Variants in FILIP1L observed in about 807,000 individuals in gnomAD.
FILIP1L encodes filamin A-interacting protein 1-like.
In FILIP1L, 55 loss-of-function variants were observed where a neutral mutation model predicts 96.6. The observed-to-expected ratio is 0.57, with a 90% CI of 0.46 to 0.71. The LOEUF (loss-of-function observed/expected upper bound fraction) is 0.71. Among genes scored for constraint, FILIP1L ranks in the 30% least tolerant of loss-of-function variants. FILIP1L has a pLI of 0.00. For missense variants in FILIP1L, 1,304 were observed against 1,321.2 expected, an observed-to-expected ratio of 0.99 and a Z score of 0.20; for synonymous variants, 467 against 473.9, an observed-to-expected ratio of 0.99 and a Z score of 0.19.
rs141276365 is a variant in FILIP1L, at chr3:99,894,884, C to A, written c.605+29346G>T. Among the ~76,000 whole-genome samples, 688 of 152,276 alleles carry A rather than the reference C, an allele frequency of 4.5e-3. 7 individuals are homozygous for A. Among genetic ancestry groups the A allele is most frequent in the African/African-American group, 0.016 (674 of 41,556 alleles). ...TTCTTGCAAACGTATAGAGTTCAAG[C>A]TATATTTAGGTCAGCTAGCTTTTTG... On this transcript the variant is annotated intron_variant, in intron 4 of 5. Transcript: ENST00000477258.
chr3:99,937,728 G>C (rs1707723798), intron 1 of FILIP1L, among the ~76,000 whole-genome samples: 1 of 152,178 alleles, frequency 6.6e-6, no homozygotes, highest in Admixed American at 6.5e-5. Flanking sequence ...GAGCTGGTTG[G>C]CTCTGAATAG....
In FILIP1L at chr3:99,853,212, CA is replaced by C. The variant is rs1337438493; in HGVS notation, c.606-2143del. Among the ~76,000 whole-genome samples the C allele has an allele frequency of 3.9e-5, 6 of 152,308 alleles. No homozygotes were observed. In the South Asian group the frequency reaches 8.3e-4, roughly 21 times the overall value. On this transcript the variant is annotated intron_variant, in intron 4 of 5. Coordinates refer to ENST00000477258, the MANE Select transcript of FILIP1L (RefSeq NM_001387850.1). The stretch of plus-strand genomic sequence containing the variant: ...GTGAAATAGTTAAAAAAAACTTTGG[CA>C]AAGTGCTTCTTTCTCCTGCCTTAGC...
intron 1 of FILIP1L, among the ~76,000 whole-genome samples, chr3:100,042,306 T>C (rs2065218217): frequency 6.6e-6 from 1 of 152,198 alleles, no homozygotes; most frequent in Non-Finnish European, 1.5e-5. Flanking sequence ...CTTGATTTTT[T>C]TTTGTATTCT....
intron 1 of FILIP1L, among the ~76,000 whole-genome samples, chr3:100,089,436 T>C (rs1006486280): frequency 6.6e-6 from 1 of 152,234 alleles, no homozygotes; most frequent in African/African-American, 2.4e-5. Flanking sequence ...TTACTAACTT[T>C]ATGCAAGTAA....
At chr3:99,896,270 A>G (rs1559679779) in intron 4 of FILIP1L, among the ~76,000 whole-genome samples, 1 of 152,220 alleles carries the variant, frequency 6.6e-6, no homozygotes, top group Non-Finnish European at 1.5e-5. Context: ...AATGGAAACT[A>G]TAGGAGGAAA....
intron 1 of FILIP1L, among the ~76,000 whole-genome samples, chr3:99,987,537 A>G (rs1231345834): frequency 6.6e-6 from 1 of 151,702 alleles, no homozygotes; most frequent in Non-Finnish European, 1.5e-5. Flanking sequence ...TCAAAAAAAA[A>G]AAAAAAAAAG....
intron 4 of FILIP1L, among the ~76,000 whole-genome samples, chr3:99,862,371 A>G (rs2107558731): frequency 6.6e-6 from 1 of 152,324 alleles, no homozygotes; most frequent in South Asian, 2.1e-4. Flanking sequence ...CATTGGAATG[A>G]AAGATATGAC....
chr3:99,909,444 G>C (rs1706722500), intron 4 of FILIP1L, among the ~76,000 whole-genome samples: 2 of 152,132 alleles, frequency 1.3e-5, no homozygotes, highest in African/African-American at 2.4e-5. Context: ...GGTATCAAAA[G>C]GAGTTAGAGC....
intron 4 of FILIP1L, among the ~76,000 whole-genome samples, chr3:99,921,956 C>T (rs1263483010): frequency 6.6e-6 from 1 of 152,264 alleles, no homozygotes; most frequent in East Asian, 1.9e-4. Context: ...TCCCAACATT[C>T]CAGTATAACT....
intron 4 of FILIP1L, among the ~76,000 whole-genome samples, chr3:99,891,230 A>G (rs1706072939): frequency 6.6e-6 from 1 of 151,674 alleles, no homozygotes; most frequent in African/African-American, 2.4e-5. Context: ...TTTCTAAATT[A>G]CCCTTTCGTC....
intron 1 of FILIP1L, among the ~76,000 whole-genome samples, chr3:100,036,410 A>G (rs1226757293): frequency 6.6e-6 from 1 of 152,240 alleles, no homozygotes; most frequent in Non-Finnish European, 1.5e-5. Flanking sequence ...AGTTGGCTTG[A>G]AAGGACTGCC....
chr3:99,978,814 G>A (rs1260567856), intron 1 of FILIP1L, among the ~76,000 whole-genome samples: 1 of 152,106 alleles, frequency 6.6e-6, no homozygotes, highest in Non-Finnish European at 1.5e-5. Flanking sequence ...GAACCCAGGA[G>A]GCGGAGGCTG....
chr3:99,920,750 G>A (rs964050830), intron 4 of FILIP1L, among the ~76,000 whole-genome samples: 74 of 152,270 alleles, frequency 4.9e-4, no homozygotes, highest in Admixed American at 3.2e-3. Flanking sequence ...CTCAATGTGT[G>A]ACATCAGTCT....
At chr3:99,962,026 G>A (rs905060160) in intron 1 of FILIP1L, among the ~76,000 whole-genome samples, 3 of 152,140 alleles carry the variant, frequency 2.0e-5, no homozygotes, top group African/African-American at 7.2e-5. Context: ...GGTTAGGGAT[G>A]TCGGGGAAAT....
chr3:99,964,584 T>TCA (rs995909165), intron 1 of FILIP1L, among the ~76,000 whole-genome samples: 69 of 152,112 alleles, frequency 4.5e-4, no homozygotes, highest in African/African-American at 1.6e-3. Flanking sequence ...TGACATTGAA[T>TCA]CAGGTTCTTG....
At chr3:100,106,716 G>C (rs996967659) in intron 1 of FILIP1L, among the ~76,000 whole-genome samples, 1 of 152,140 alleles carries the variant, frequency 6.6e-6, no homozygotes, top group Non-Finnish European at 1.5e-5. Context: ...GCTTCCTTTT[G>C]AATGCTTTAG....
intron 1 of FILIP1L, among the ~76,000 whole-genome samples, chr3:99,972,384 GAT>G (rs1329770118): frequency 3.3e-5 from 5 of 152,314 alleles, no homozygotes; most frequent in African/African-American, 9.6e-5. Flanking sequence ...GAAGTCTGAT[GAT>G]ATCATAAACC....
chr3:99,920,763 T>C (rs975363781), intron 4 of FILIP1L, among the ~76,000 whole-genome samples: 1 of 152,188 alleles, frequency 6.6e-6, no homozygotes, highest in Non-Finnish European at 1.5e-5. Context: ...ATCAGTCTCC[T>C]TTAGGGTTTT....
intron 1 of FILIP1L, among the ~76,000 whole-genome samples, chr3:100,056,876 C>T (rs576439989): frequency 3.9e-5 from 6 of 152,130 alleles, no homozygotes; most frequent in South Asian, 2.1e-4. Context: ...TGATGGCAGG[C>T]GCCTGTAGTC....
Sources: allele counts gnomAD v4.1 joint callset (sites outside exome capture counted in the v4.1 genomes callset), GRCh38; gene constraint gnomAD v4.1.1; transcripts MANE v1.5; gene names NCBI Gene and HGNC (gene_info 2026-07-23, HGNC 2026-07-21).